The following PCDH15 variants were observed in gnomAD, a reference collection of about 807,000 sequenced individuals.
PCDH15 encodes the protein protocadherin-15.
A neutral mutation model predicts 178.5 loss-of-function variants in PCDH15; 129 were observed. That is an observed-to-expected ratio of 0.72 (90% CI 0.63 to 0.84). PCDH15 has a LOEUF of 0.84. Ranked by LOEUF, PCDH15 falls within the 40% of genes least tolerant of loss-of-function variation. PCDH15 has a pLI of 0.00. For missense variants in PCDH15, 2,230 were observed against 2,099.9 expected (o/e 1.06, Z -1.21); for synonymous variants, 800 against 732.0 (o/e 1.09, Z -1.50).
At chr10:54,283,336 C>A (rs2058819486) in intron 8 of PCDH15, among the ~76,000 whole-genome samples, 1 of 152,120 alleles carries the variant, frequency 6.6e-6, no homozygotes, top group Admixed American at 6.6e-5. Flanking sequence ...TTAAAATAAA[C>A]TTACAGCCTT....
intron 3 of PCDH15, among the ~76,000 whole-genome samples, chr10:54,884,480 GGTGTGTGTGTGTGTGT>G (rs11473798): frequency 6.7e-6 from 1 of 148,622 alleles, no homozygotes; most frequent in African/African-American, 2.5e-5. Flanking sequence ...TACTAAGATA[GGTGTGTGTGTGTGTGT>G]GTGTGTGTGT....
chr10:55,049,023 C>G (rs769254808), intron 2 of PCDH15, among the ~76,000 whole-genome samples: 1 of 151,884 alleles, frequency 6.6e-6, no homozygotes, highest in Non-Finnish European at 1.5e-5. Context: ...CAGCCTAAGA[C>G]AGAGAGACCA....
chr10:55,049,220 C>T (rs570324844), intron 2 of PCDH15, among the ~76,000 whole-genome samples: 1 of 151,998 alleles, frequency 6.6e-6, no homozygotes, highest in South Asian at 2.1e-4. Flanking sequence ...AAAATAAGTT[C>T]TAATATAGCA....
intron 3 of PCDH15, among the ~76,000 whole-genome samples, chr10:54,878,363 C>T (rs1215140335): frequency 6.6e-6 from 1 of 152,114 alleles, no homozygotes; most frequent in East Asian, 1.9e-4. Flanking sequence ...GTCATGTGTA[C>T]ATAGTACTTT....
intron 2 of PCDH15, among the ~76,000 whole-genome samples, chr10:54,902,354 G>T (rs1466437955): frequency 6.6e-6 from 1 of 152,158 alleles, no homozygotes; most frequent in Non-Finnish European, 1.5e-5. Context: ...GAGGAGGCTG[G>T]TGGGAGATGA....
chr10:54,360,169 T>A (rs1239256752), intron 5 of PCDH15, among the ~76,000 whole-genome samples: 1 of 152,074 alleles, frequency 6.6e-6, no homozygotes, highest in African/African-American at 2.4e-5. Context: ...AACTGGAGTT[T>A]GCCAGATCGC....
intron 2 of PCDH15, among the ~76,000 whole-genome samples, chr10:54,947,690 T>A (rs1005877163): frequency 4.6e-5 from 7 of 151,966 alleles, no homozygotes; most frequent in African/African-American, 1.7e-4. Flanking sequence ...CTCAGCTTTC[T>A]TTCTAAACTT....
intron 1 of PCDH15, among the ~76,000 whole-genome samples, chr10:55,167,167 G>T (rs1209827193): frequency 6.6e-6 from 1 of 152,132 alleles, no homozygotes; most frequent in East Asian, 1.9e-4. Context: ...AGATTGGAGT[G>T]CAGTGGCACA....
At chr10:54,474,721 C>A (rs1426679060) in intron 3 of PCDH15, among the ~76,000 whole-genome samples, 2 of 151,904 alleles carry the variant, frequency 1.3e-5, no homozygotes, top group South Asian at 2.1e-4. Flanking sequence ...AAAACATAAA[C>A]CTCTCTGAAG....
chr10:54,080,539 T>C (rs2094421786), intron 16 of PCDH15, among the ~76,000 whole-genome samples: 3 of 152,184 alleles, frequency 2.0e-5, no homozygotes, highest in Non-Finnish European at 4.4e-5. Flanking sequence ...GATAAAATGC[T>C]TTCATTTTAA....
intron 3 of PCDH15, among the ~76,000 whole-genome samples, chr10:54,397,591 T>C (rs1951409156): frequency 6.6e-6 from 1 of 152,054 alleles, no homozygotes; most frequent in South Asian, 2.1e-4. Flanking sequence ...TGGAACTTAA[T>C]TTTATATTAT....
intron 2 of PCDH15, among the ~76,000 whole-genome samples, chr10:55,481,035 G>A (rs1840169392): frequency 6.6e-6 from 1 of 151,536 alleles, no homozygotes; most frequent in Non-Finnish European, 1.5e-5. Context: ...GTCTGATCAG[G>A]GATTTGACTT....
intron 8 of PCDH15, among the ~76,000 whole-genome samples, chr10:54,267,161 G>T (rs1442910591): frequency 6.7e-6 from 1 of 150,040 alleles, no homozygotes; most frequent in East Asian, 1.9e-4. Context: ...CACATAAAGA[G>T]AATTAAAAAT....
intron 3 of PCDH15, among the ~76,000 whole-genome samples, chr10:54,524,317 G>C (rs189993999): frequency 6.6e-6 from 1 of 151,260 alleles, no homozygotes; most frequent in African/African-American, 2.4e-5. Context: ...ATATCCTTTT[G>C]TCTCTGCATC....
At chr10:54,651,067 G>A (rs2094249079) in intron 2 of PCDH15, among the ~76,000 whole-genome samples, 1 of 152,088 alleles carries the variant, frequency 6.6e-6, no homozygotes, top group African/African-American at 2.4e-5. Context: ...GAAGGAGGGA[G>A]AAAGAGAGAG....
chr10:54,043,642 G>A (rs1159182817), intron 18 of PCDH15, among the ~76,000 whole-genome samples: 1 of 152,034 alleles, frequency 6.6e-6, no homozygotes, highest in African/African-American at 2.4e-5. Context: ...ACCTGCCTCA[G>A]CCTCCCAAAG....
chr10:55,249,556 A>G (rs2132221809), intron 1 of PCDH15, among the ~76,000 whole-genome samples: 1 of 152,302 alleles, frequency 6.6e-6, no homozygotes, highest in Non-Finnish European at 1.5e-5. Flanking sequence ...TAAAAAAGGG[A>G]AAATAAAAGT....
intron 2 of PCDH15, among the ~76,000 whole-genome samples, chr10:55,101,406 C>CTT (rs5785115): frequency 5.1e-4 from 73 of 143,474 alleles, no homozygotes; most frequent in Middle Eastern, 7.5e-3. Context: ...AAAAAAAAAA[C>CTT]TTTTTTTTTT....
At chr10:55,307,399 A>G (rs977548937) in intron 1 of PCDH15, among the ~76,000 whole-genome samples, 1 of 151,750 alleles carries the variant, frequency 6.6e-6, no homozygotes, top group Admixed American at 6.6e-5. Context: ...GCTACTCGGG[A>G]GGCTGAGGCA....
Sources: gnomAD v4.1 joint callset for allele counts (sites outside exome capture counted in the v4.1 genomes callset) on GRCh38, gnomAD v4.1.1 for gene constraint, MANE v1.5 for transcripts, NCBI Gene and HGNC (gene_info 2026-07-23, HGNC 2026-07-21) for gene names.